The following ZFAND3 variants were observed in gnomAD, a reference collection of about 807,000 sequenced individuals.
ZFAND3 encodes zinc finger AN1-type containing 3.
ZFAND3 carries 10 observed loss-of-function variants against 29.6 expected under a neutral mutation model. The observed-to-expected ratio is 0.34, with a 90% CI of 0.21 to 0.57. The LOEUF (loss-of-function observed/expected upper bound fraction) is 0.57, where lower values mean the gene tolerates loss of function less well. Among genes scored for constraint, ZFAND3 ranks in the 20% least tolerant of loss-of-function variants. The pLI, the probability that ZFAND3 is intolerant of heterozygous loss-of-function variation, is 0.86. For synonymous variants in ZFAND3, 128 were observed against 112.6 expected (o/e 1.14, Z -0.87); for missense variants, 230 against 304.5 (o/e 0.76, Z 1.82).
intron 2 of ZFAND3, among the ~76,000 whole-genome samples, chr6:38,005,057 T>C (rs1314814688): frequency 6.6e-6 from 1 of 152,216 alleles, no homozygotes; most frequent in African/African-American, 2.4e-5. Flanking sequence ...AAGAGATAGA[T>C]CTTCTTCAGT....
At chr6:38,065,837 CTA>C (rs772463250) in intron 3 of ZFAND3, among the ~76,000 whole-genome samples, 1 of 152,278 alleles carries the variant, frequency 6.6e-6, no homozygotes, top group Non-Finnish European at 1.5e-5. Context: ...CCTAAATAAA[CTA>C]TTTAATAAAC....
At chr6:38,144,201 A>ATATATAT (rs1554183969) in intron 5 of ZFAND3, among the ~76,000 whole-genome samples, 1 of 44,044 alleles carries the variant, frequency 2.3e-5, no homozygotes, top group Admixed American at 1.8e-4. Flanking sequence ...ATATATATAT[A>ATATATAT]TATATATATA....
At chr6:37,898,146 T>C (rs1195672000) in intron 1 of ZFAND3, among the ~76,000 whole-genome samples, 4 of 152,250 alleles carry the variant, frequency 2.6e-5, no homozygotes, top group Admixed American at 2.6e-4. Context: ...GAGTTCATTC[T>C]TCTAGTTTTA....
intron 3 of ZFAND3, among the ~76,000 whole-genome samples, chr6:38,072,844 A>G (rs59522592): frequency 0.065 from 9,923 of 152,292 alleles, 396 homozygotes; most frequent in Non-Finnish European, 0.093. Flanking sequence ...TGATCCATCA[A>G]AAAGATGATT....
At chr6:37,865,484 A>T (rs1298122251) in intron 1 of ZFAND3, among the ~76,000 whole-genome samples, 4 of 152,202 alleles carry the variant, frequency 2.6e-5, no homozygotes, top group East Asian at 3.8e-4. Flanking sequence ...ACACGCACAC[A>T]CTTGTCTCTT....
At chr6:37,839,425 GC>G (rs1157292519) in intron 1 of ZFAND3, among the ~76,000 whole-genome samples, 1 of 151,968 alleles carries the variant, frequency 6.6e-6, no homozygotes, top group Non-Finnish European at 1.5e-5. Flanking sequence ...CAAGTGATCT[GC>G]CTGCCTTGGC....
At chr6:37,896,514 T>TTTCC (rs1554153804) in intron 1 of ZFAND3, among the ~76,000 whole-genome samples, 1 of 109,100 alleles carries the variant, frequency 9.2e-6, no homozygotes, top group African/African-American at 3.7e-5. Context: ...TTCCTCTTTC[T>TTTCC]TTTCTTTCTT....
At chr6:37,872,300 C>A (rs1764709345) in intron 1 of ZFAND3, among the ~76,000 whole-genome samples, 1 of 152,160 alleles carries the variant, frequency 6.6e-6, no homozygotes, top group Non-Finnish European at 1.5e-5. Context: ...CTGTTCAGCG[C>A]CTTCAGGTAG....
At chr6:38,072,157 T>C (rs1764468308) in intron 3 of ZFAND3, among the ~76,000 whole-genome samples, 1 of 146,816 alleles carries the variant, frequency 6.8e-6, no homozygotes, top group African/African-American at 2.5e-5. Flanking sequence ...TCTCTCTCTC[T>C]CTCTGTCTCT....
At chr6:38,066,600 T>G (rs963799673) in intron 3 of ZFAND3, among the ~76,000 whole-genome samples, 1 of 152,210 alleles carries the variant, frequency 6.6e-6, no homozygotes, top group Non-Finnish European at 1.5e-5. Context: ...ACATTTTGTT[T>G]GGGGCTTGTG....
intron 4 of ZFAND3, 49 bp from the exon 5 acceptor site, chr6:38,116,523 T>G (rs773315224): frequency 3.6e-5 from 56 of 1,565,542 alleles, no homozygotes; most frequent in Non-Finnish European, 4.4e-5. Context: ...CAACTGTGCT[T>G]GCCAGGCCAG....
intron 2 of ZFAND3, among the ~76,000 whole-genome samples, chr6:38,061,193 A>G (rs1323324675): frequency 1.3e-5 from 2 of 151,992 alleles, no homozygotes; most frequent in African/African-American, 2.4e-5. Context: ...TATTTCTACC[A>G]TCTTATTATG....
intron 1 of ZFAND3, among the ~76,000 whole-genome samples, chr6:37,842,332 C>G (rs1764093644): frequency 2.0e-5 from 3 of 152,092 alleles, no homozygotes. Context: ...TTTCTCGTAC[C>G]CTATCAGGCA....
At chr6:37,963,175 G>T (rs143395287) in intron 2 of ZFAND3, among the ~76,000 whole-genome samples, 4 of 152,170 alleles carry the variant, frequency 2.6e-5, no homozygotes, top group African/African-American at 9.7e-5. Flanking sequence ...CCACTGGAAG[G>T]AACCAATTCC....
chr6:38,135,770 AAC>A (rs921561888), intron 5 of ZFAND3, among the ~76,000 whole-genome samples: 20 of 152,134 alleles, frequency 1.3e-4, no homozygotes, highest in African/African-American at 4.6e-4. Context: ...AAACAAAAAA[AAC>A]ACGTTTCCGG....
At chr6:37,898,226 A>T (rs1462320248) in intron 1 of ZFAND3, among the ~76,000 whole-genome samples, 2 of 150,896 alleles carry the variant, frequency 1.3e-5, no homozygotes, top group South Asian at 2.1e-4. Context: ...GTGAAAGTTC[A>T]TTTTTTTTTC....
chr6:38,104,612 C>T (rs12205646), intron 4 of ZFAND3, among the ~76,000 whole-genome samples: 128 of 152,208 alleles, frequency 8.4e-4, no homozygotes, highest in African/African-American at 2.9e-3. Flanking sequence ...TACTATATGA[C>T]TACAGTCCAC....
At chr6:38,132,185 C>T (rs536074928) in intron 5 of ZFAND3, among the ~76,000 whole-genome samples, 4 of 152,144 alleles carry the variant, frequency 2.6e-5, no homozygotes, top group South Asian at 2.1e-4. Flanking sequence ...CAAATAAAAC[C>T]TGTGTTTGTA....
At chr6:37,977,871 T>TTCCTTCCTTCCTTCCTTCCTTCCTTC (rs1762514430) in intron 2 of ZFAND3, among the ~76,000 whole-genome samples, 4 of 38,954 alleles carry the variant, frequency 1.0e-4, no homozygotes, top group African/African-American at 2.9e-4. Context: ...TTCCTTCCTT[T>TTCCTTCCTTCCTTCCTTCCTTCCTTC]CCTTCTTCCT....
Sources: allele counts gnomAD v4.1 joint callset (sites outside exome capture counted in the v4.1 genomes callset), GRCh38; gene constraint gnomAD v4.1.1; transcripts MANE v1.5; gene names NCBI Gene and HGNC (gene_info 2026-07-23, HGNC 2026-07-21).